Variants in CALD1 observed in about 807,000 individuals in gnomAD.
The protein encoded by CALD1 is caldesmon.
CALD1 carries 33 observed loss-of-function variants against 99.9 expected under a neutral mutation model. The ratio of observed to expected loss-of-function variants is 0.33; its 90% CI spans 0.25 to 0.44. The LOEUF is 0.44. Ranked by LOEUF, CALD1 falls within the 20% of genes least tolerant of loss-of-function variation. The probability of loss-of-function intolerance (pLI) is 1.00; values close to 1 mark genes in which losing one functional copy is unlikely to be tolerated. For missense variants in CALD1, 861 were observed against 962.1 expected (o/e 0.89, Z 1.39); for synonymous variants, 310 against 325.0 (o/e 0.95, Z 0.50).
At chr7:134,904,347 G>A (rs900207534) in intron 3 of CALD1, among the ~76,000 whole-genome samples, 11 of 152,072 alleles carry the variant, frequency 7.2e-5, no homozygotes, top group Non-Finnish European at 5.9e-5. Flanking sequence ...TTGAGAGGTC[G>A]AGGTGGGAGG....
chr7:134,751,159 G>C (rs1796682585), intron 1 of CALD1, among the ~76,000 whole-genome samples: 1 of 152,156 alleles, frequency 6.6e-6, no homozygotes, highest in African/African-American at 2.4e-5. Flanking sequence ...CCTTGTGCAA[G>C]TCATTTAACT....
At chr7:134,928,529 T>C (rs1057051260) in intron 3 of CALD1, among the ~76,000 whole-genome samples, 2 of 151,938 alleles carry the variant, frequency 1.3e-5, no homozygotes, top group African/African-American at 4.8e-5. Context: ...TTGGTCATTG[T>C]AAATTATCTT....
chr7:134,832,023 G>T (rs1470620603), intron 1 of CALD1, among the ~76,000 whole-genome samples: 2 of 152,230 alleles, frequency 1.3e-5, no homozygotes, highest in African/African-American at 4.8e-5. Flanking sequence ...TTATAAGCCC[G>T]TCTTTTCCCC....
At chr7:134,880,692 G>A (rs970453917) in intron 3 of CALD1, among the ~76,000 whole-genome samples, 6 of 152,090 alleles carry the variant, frequency 3.9e-5, no homozygotes, top group Admixed American at 1.3e-4. Flanking sequence ...TGAAGAAGAT[G>A]AGAAAGGACC....
At chr7:134,790,443 A>G (rs185408319) in intron 1 of CALD1, among the ~76,000 whole-genome samples, 3 of 152,282 alleles carry the variant, frequency 2.0e-5, no homozygotes, top group South Asian at 2.1e-4. Flanking sequence ...ACCCTCTCCA[A>G]TTCTCTACAG....
At chr7:134,864,003 G>A (rs1429044920) in intron 2 of CALD1, among the ~76,000 whole-genome samples, 2 of 152,160 alleles carry the variant, frequency 1.3e-5, no homozygotes, top group Non-Finnish European at 2.9e-5. Context: ...TGCAGGACAC[G>A]CCTCTCGTCA....
intron 1 of CALD1, among the ~76,000 whole-genome samples, chr7:134,754,786 ATACAAT>A (rs1243272592): frequency 1.3e-5 from 2 of 152,242 alleles, no homozygotes; most frequent in African/African-American, 4.8e-5. Context: ...TTTCCAATGT[ATACAAT>A]TACAAACAAT....
At chr7:134,924,162 C>G (rs977528745) in intron 3 of CALD1, among the ~76,000 whole-genome samples, 1 of 151,968 alleles carries the variant, frequency 6.6e-6, no homozygotes, top group African/African-American at 2.4e-5. Context: ...TATGACATAA[C>G]CCTATTTTAT....
At chr7:134,966,493 C>A (rs1464049934) in intron 14 of CALD1, among the ~76,000 whole-genome samples, 11 of 152,098 alleles carry the variant, frequency 7.2e-5, no homozygotes, top group Non-Finnish European at 1.0e-4. Flanking sequence ...ACCTTCTTAC[C>A]CTCCATTATT....
In CALD1 at chr7:134,849,685, T is replaced by C. The variant is rs567771661; in HGVS notation, c.-42+5714T>C. On this transcript the variant is annotated intron_variant, in intron 2 of 14. Coordinates refer to ENST00000361675, the MANE Select transcript of CALD1 (RefSeq NM_033138.4). Reference sequence around the variant, plus strand: ...AGAACCCATGGATATGGAGAGCTGATAGTAATTGAATTTAAAAGCAAAATA... The same window carrying C: ...AGAACCCATGGATATGGAGAGCTGACAGTAATTGAATTTAAAAGCAAAATA... 5.9e-5 allele frequency among the ~76,000 whole-genome samples: 9 copies of C among 152,282 alleles called. No individual in the cohort carries two copies. The South Asian group carries it at 1.0e-3, about 18-fold the overall frequency.
At chr7:134,838,183 C>A (rs1799518957) in intron 1 of CALD1, among the ~76,000 whole-genome samples, 1 of 152,120 alleles carries the variant, frequency 6.6e-6, no homozygotes, top group African/African-American at 2.4e-5. Flanking sequence ...CTCATTTATA[C>A]AAATATCTGT....
intron 1 of CALD1, among the ~76,000 whole-genome samples, chr7:134,763,159 AAAT>A (rs1450474123): frequency 6.6e-6 from 1 of 152,192 alleles, no homozygotes; most frequent in East Asian, 1.9e-4. Flanking sequence ...TAGTCTACTT[AAAT>A]AAAAACTTCC....
chr7:134,942,037 C>T (rs1806486627), intron 7 of CALD1, among the ~76,000 whole-genome samples: 1 of 152,154 alleles, frequency 6.6e-6, no homozygotes, highest in Admixed American at 6.5e-5. Flanking sequence ...GGGCTGGCTA[C>T]GTGATTCCTG....
intron 3 of CALD1, among the ~76,000 whole-genome samples, chr7:134,872,069 A>G (rs1201629479): frequency 1.3e-5 from 2 of 152,216 alleles, no homozygotes; most frequent in Admixed American, 1.3e-4. Flanking sequence ...AACGTAGTGC[A>G]TCAAAAACGT....
At chr7:134,941,628 T>C (rs1806448245) in intron 7 of CALD1, among the ~76,000 whole-genome samples, 1 of 150,904 alleles carries the variant, frequency 6.6e-6, no homozygotes, top group Non-Finnish European at 1.5e-5. Context: ...CTCAGTACCA[T>C]TTTCAAGAAT....
chr7:134,916,928 A>G (rs193030684), intron 3 of CALD1, among the ~76,000 whole-genome samples: 98 of 152,342 alleles, frequency 6.4e-4, no homozygotes, highest in African/African-American at 2.3e-3. Context: ...ACGACAGTGG[A>G]AATTTCTCTT....
chr7:134,953,143 T>C (rs1807486096), intron 9 of CALD1, among the ~76,000 whole-genome samples: 1 of 152,194 alleles, frequency 6.6e-6, no homozygotes, highest in Admixed American at 6.5e-5. Context: ...CATGAAATAT[T>C]ATTCTTCTTT....
At chr7:134,791,679 A>C (rs1797539911) in intron 1 of CALD1, among the ~76,000 whole-genome samples, 2 of 152,010 alleles carry the variant, frequency 1.3e-5, no homozygotes, top group African/African-American at 2.4e-5. Context: ...AAAAACAAAA[A>C]ACAAAAAAAC....
chr7:134,801,326 T>TG (rs1797932964), intron 1 of CALD1, among the ~76,000 whole-genome samples: 1 of 151,448 alleles, frequency 6.6e-6, no homozygotes, highest in African/African-American at 2.4e-5. Context: ...GACAAATTCA[T>TG]TTTTTTTTAA....
Sources: gnomAD v4.1 joint callset for allele counts (sites outside exome capture counted in the v4.1 genomes callset) on GRCh38, gnomAD v4.1.1 for gene constraint, MANE v1.5 for transcripts, NCBI Gene and HGNC (gene_info 2026-07-23, HGNC 2026-07-21) for gene names.